DMD: variants seen among roughly 807,000 people sequenced by gnomAD.
The protein encoded by DMD is mutant dystrophin.
In DMD, 63 loss-of-function variants were observed where a neutral mutation model predicts 330.1. The observed-to-expected ratio is 0.19, with a 90% CI of 0.16 to 0.24. The LOEUF (loss-of-function observed/expected upper bound fraction) is 0.24. Among genes scored for constraint, DMD ranks in the 10% least tolerant of loss-of-function variants. The pLI is 1.00. For missense variants in DMD, 3,344 were observed against 2,684.1 expected (o/e 1.25, Z -5.43); for synonymous variants, 1,223 against 959.8 (o/e 1.27, Z -5.07).
At chrX:32,712,735 T>C (rs1330058850) in intron 7 of DMD, among the ~76,000 whole-genome samples, 1 of 111,663 alleles carries the variant, frequency 9.0e-6, no homozygotes, top group Admixed American at 9.6e-5. Context: ...AGTGTCATTC[T>C]GCAGTCCATC....
intron 17 of DMD, among the ~76,000 whole-genome samples, chrX:32,544,393 T>C (rs1008072820): frequency 8.9e-6 from 1 of 112,010 alleles, no homozygotes; most frequent in Non-Finnish European, 1.9e-5. Context: ...TTTCTAAACA[T>C]ATGCTGCTTA....
chrX:31,712,751 C>T (rs2084741193), intron 52 of DMD, among the ~76,000 whole-genome samples: 3 of 110,931 alleles, frequency 2.7e-5, no homozygotes, highest in South Asian at 7.6e-4. Context: ...CTTTATCTGC[C>T]TTTGGTTCTC....
At chrX:31,214,398 C>T (rs2045106289) in intron 64 of DMD, among the ~76,000 whole-genome samples, 1 of 112,390 alleles carries the variant, frequency 8.9e-6, no homozygotes, top group Admixed American at 9.4e-5. Flanking sequence ...ATGGATTACT[C>T]CTTCCTTGTG....
intron 11 of DMD, among the ~76,000 whole-genome samples, chrX:32,624,364 C>G (rs191554130): frequency 4.5e-5 from 5 of 111,682 alleles, no homozygotes; most frequent in African/African-American, 1.6e-4. Flanking sequence ...GGAACTGCTA[C>G]GGTAAACTTC....
chrX:31,332,575 T>G (rs780323787), intron 61 of DMD, among the ~76,000 whole-genome samples: 2 of 112,111 alleles, frequency 1.8e-5, no homozygotes, highest in East Asian at 5.6e-4. Context: ...CTTTGGTCTG[T>G]GCAGTTGAGA....
rs374577724 is a variant in DMD at position 32,545,229 on chromosome X, G to C, written c.2098C>G (p.Gln700Glu). ...TREQILVKHA[Q>E]EELPPPPPQK... ...GGAGGTGGTGGTGGAAGTTCCTCTT[G>C]AGCATGCTTTACCAGGATCTGTTCC... The change falls in exon 17 of 79, where the codon CAA becomes GAA. Residue 700 changes from glutamine to glutamate, a missense_variant. By Grantham distance (29) the Gln-to-Glu change is conservative. Coordinates refer to ENST00000357033, the MANE Select transcript of DMD (RefSeq NM_004006.3). 7 of 1,210,415 alleles carry C rather than the reference G, an allele frequency of 5.8e-6. No individual in the cohort carries two copies. The highest frequency in any genetic ancestry group is 6.7e-6 in the Non-Finnish European group (6 of 894,417).
In DMD at chrX:32,879,943, G is replaced by C. The variant is rs986363492; in HGVS notation, c.94-30123C>G. 4.5e-5 allele frequency among the ~76,000 whole-genome samples: 5 copies of C among 110,957 alleles called. No individual in the cohort carries two copies. In the Admixed American group the frequency reaches 4.8e-4, roughly 11 times the overall value. On this transcript the variant is annotated intron_variant, in intron 2 of 78. Coordinates refer to ENST00000357033, the MANE Select transcript of DMD (RefSeq NM_004006.3). ...TCTTCTCCCATTTGAATAGACATTA[G>C]CCTCATGAGTGACCTCCACACCTGT...
chrX:31,461,749 C>A (rs189385432), intron 59 of DMD, among the ~76,000 whole-genome samples: 325 of 111,623 alleles, frequency 2.9e-3, no homozygotes, highest in African/African-American at 0.01. Context: ...AAAAACAAAA[C>A]AGCATTAAAA....
chrX:32,452,683 C>T (rs1311168526), intron 26 of DMD, among the ~76,000 whole-genome samples: 1 of 110,708 alleles, frequency 9.0e-6, no homozygotes, highest in Admixed American at 9.6e-5. Flanking sequence ...TACCTTCTAG[C>T]TCTCACATTC....
intron 42 of DMD, among the ~76,000 whole-genome samples, chrX:32,307,422 C>G (rs1325483383): frequency 9.0e-6 from 1 of 111,427 alleles, no homozygotes; most frequent in Non-Finnish European, 1.9e-5. Context: ...CTTTAACTAC[C>G]TGACACTCAT....
chrX:31,522,134 G>T (rs1337355050), intron 55 of DMD, among the ~76,000 whole-genome samples: 1 of 109,255 alleles, frequency 9.2e-6, no homozygotes, highest in Non-Finnish European at 1.9e-5. Context: ...GATGATATTT[G>T]ATCAGGGTCT....
rs2032621719 is a variant in DMD at position 31,121,816 on chromosome X, C to A, written c.*103G>T. ...AATATTATAAAAACCATGCGGGAAT[C>A]AGGAGTTGTAAAACATTTATTCTGC... On this transcript the variant is annotated 3_prime_UTR_variant, in exon 79 of 79. Coordinates refer to ENST00000357033, the MANE Select transcript of DMD (RefSeq NM_004006.3). 9.4e-7 allele frequency: 1 copy of A among 1,068,464 alleles called. No homozygotes were observed. Among genetic ancestry groups the A allele is most frequent in the Non-Finnish European group, 1.3e-6 (1 of 765,204 alleles). The allele number at this position is 1,068,464 out of a possible 1,213,427, so 88.1% of individuals were successfully genotyped here.
chrX:32,952,899 C>A (rs1313674410), intron 2 of DMD, among the ~76,000 whole-genome samples: 3 of 110,207 alleles, frequency 2.7e-5, no homozygotes, highest in African/African-American at 9.9e-5. Context: ...TTTTGGAAGG[C>A]CAAGACGGGC....
At chrX:33,213,875 T>A (rs998792227), upstream of DMD, among the ~76,000 whole-genome samples, 1 of 111,391 alleles carries the variant, frequency 9.0e-6, no homozygotes, top group African/African-American at 3.3e-5. Flanking sequence ...AATAAACACC[T>A]GTTTCATCAC....
intron 50 of DMD, among the ~76,000 whole-genome samples, chrX:31,814,918 T>C (rs16998230): frequency 0.28 from 31,340 of 111,241 alleles, 3,271 homozygotes; most frequent in African/African-American, 0.33. Context: ...GTTTAGTGTG[T>C]TGTCCATCTC....
At chrX:32,547,683 CACTT>C (rs2049115670) in intron 16 of DMD, among the ~76,000 whole-genome samples, 1 of 111,000 alleles carries the variant, frequency 9.0e-6, no homozygotes, top group Admixed American at 9.6e-5. Context: ...CTATTATTGA[CACTT>C]AATTATGTGT....
At chrX:32,579,261 TG>T (rs1439429782) in intron 13 of DMD, among the ~76,000 whole-genome samples, 1 of 112,218 alleles carries the variant, frequency 8.9e-6, no homozygotes, top group African/African-American at 3.2e-5. Flanking sequence ...AAACAACTAC[TG>T]GAAGTTTTTT....
chrX:31,206,555 A>G (rs1338201660), intron 66 of DMD, 27 bp downstream of exon 66: 1 of 1,144,269 alleles, frequency 8.7e-7, no homozygotes, highest in South Asian at 1.8e-5. Flanking sequence ...TTAATAAAAG[A>G]ATACAGCATT....
At chrX:31,997,701 T>A (rs1220799577) in intron 44 of DMD, among the ~76,000 whole-genome samples, 1 of 110,786 alleles carries the variant, frequency 9.0e-6, no homozygotes, top group African/African-American at 3.3e-5. Context: ...CAGTTTTCAT[T>A]ATTACTCAGT....
Sources: gnomAD v4.1 joint callset for allele counts (sites outside exome capture counted in the v4.1 genomes callset) on GRCh38, gnomAD v4.1.1 for gene constraint, MANE v1.5 for transcripts, NCBI Gene and HGNC (gene_info 2026-07-23, HGNC 2026-07-21) for gene names.